The following KAZN variants were observed in gnomAD, a reference collection of about 807,000 sequenced individuals.
KAZN encodes kazrin.
KAZN carries 40 observed loss-of-function variants against 87.4 expected under a neutral mutation model. That is an observed-to-expected ratio of 0.46 (90% CI 0.36 to 0.60). The LOEUF (loss-of-function observed/expected upper bound fraction) is 0.60. Among genes scored for constraint, KAZN ranks in the 20% least tolerant of loss-of-function variants. The pLI is 0.00. For missense variants in KAZN, 898 were observed against 1,073.9 expected (o/e 0.84, Z 2.29); for synonymous variants, 466 against 458.3 (o/e 1.02, Z -0.22).
At chr1:14,979,453 T>C (rs2311972) in intron 2 of KAZN, among the ~76,000 whole-genome samples, 6,545 of 152,112 alleles carry the variant, frequency 0.043, 186 homozygotes, top group East Asian at 0.13. Flanking sequence ...GAGCCCAGCA[T>C]GCTGGGCCCT....
intron 1 of KAZN, among the ~76,000 whole-genome samples, chr1:14,781,126 TC>T (rs569433420): frequency 7.9e-5 from 12 of 152,110 alleles, no homozygotes; most frequent in Non-Finnish European, 1.3e-4. Context: ...ATCGAGACCA[TC>T]CTGGCTAACA....
At chr1:14,024,024 C>G (rs1640963238) in intron 1 of KAZN, among the ~76,000 whole-genome samples, 1 of 152,140 alleles carries the variant, frequency 6.6e-6, no homozygotes, top group Non-Finnish European at 1.5e-5. Context: ...ACCCAAAGAG[C>G]CAGAGCACCC....
intron 1 of KAZN, among the ~76,000 whole-genome samples, chr1:13,944,674 T>C (rs1435588229): frequency 6.6e-6 from 1 of 152,160 alleles, no homozygotes; most frequent in African/African-American, 2.4e-5. Context: ...TAGACTGTAA[T>C]AAGTCAAGGA....
intron 2 of KAZN, among the ~76,000 whole-genome samples, chr1:14,429,191 G>A (rs1665907390): frequency 6.6e-6 from 1 of 152,112 alleles, no homozygotes; most frequent in Admixed American, 6.5e-5. Flanking sequence ...TAGAGAGAAT[G>A]GTCATCTCCT....
Position 14,724,825 on chromosome 1 carries a change from A to G in KAZN, c.226+125602A>G, listed in dbSNP as rs562630451. Reference sequence around the variant, plus strand: ...CCATGGTCTGTCTGGTTTTTCAATTACTTCACAAACTCCCTTCTGCCCTTC... The same window carrying G: ...CCATGGTCTGTCTGGTTTTTCAATTGCTTCACAAACTCCCTTCTGCCCTTC... On this transcript the variant is annotated intron_variant, in intron 1 of 14. Coordinates refer to ENST00000376030, the MANE Select transcript of KAZN (RefSeq NM_201628.3). 2.0e-5 allele frequency among the ~76,000 whole-genome samples: 3 copies of G among 152,314 alleles called. No individual in the cohort carries two copies. In the East Asian group the frequency reaches 5.8e-4, roughly 29 times the overall value.
intron 1 of KAZN, among the ~76,000 whole-genome samples, chr1:14,755,012 C>T (rs1474688): frequency 0.53 from 78,816 of 149,628 alleles, 21,388 homozygotes; most frequent in Middle Eastern, 0.59. Context: ...GCGGCCAAGG[C>T]GGGAGGATCG....
At chr1:14,081,446 G>A (rs1341819257) in intron 1 of KAZN, among the ~76,000 whole-genome samples, 1 of 152,040 alleles carries the variant, frequency 6.6e-6, no homozygotes, top group Non-Finnish European at 1.5e-5. Flanking sequence ...TCACGAGTAT[G>A]GCCAATGGGT....
chr1:14,428,442 C>T (rs1167862988), intron 2 of KAZN, among the ~76,000 whole-genome samples: 1 of 152,134 alleles, frequency 6.6e-6, no homozygotes, highest in Non-Finnish European at 1.5e-5. Context: ...TAGATATATT[C>T]AATCAGATCA....
chr1:14,824,203 G>A (rs1350673149), intron 1 of KAZN, among the ~76,000 whole-genome samples: 2 of 152,048 alleles, frequency 1.3e-5, no homozygotes, highest in Non-Finnish European at 2.9e-5. Context: ...AGCGTGATGG[G>A]AGGCCTGGTT....
chr1:14,826,924 G>A (rs1194429241), intron 1 of KAZN, among the ~76,000 whole-genome samples: 2 of 152,168 alleles, frequency 1.3e-5, no homozygotes, highest in Admixed American at 6.5e-5. Context: ...ATCCTGGCTC[G>A]GCGGCTGTGT....
At chr1:15,036,210 C>T (rs1672247440) in intron 3 of KAZN, among the ~76,000 whole-genome samples, 1 of 149,610 alleles carries the variant, frequency 6.7e-6, no homozygotes. Flanking sequence ...GCTCCCCCTA[C>T]CCTGCCTACC....
intron 1 of KAZN, among the ~76,000 whole-genome samples, chr1:14,876,852 A>C (rs1198429466): frequency 6.6e-6 from 1 of 152,228 alleles, no homozygotes; most frequent in Non-Finnish European, 1.5e-5. Flanking sequence ...CTTACCACTT[A>C]GAATACTGCA....
At chr1:14,122,085 G>C (rs1367352388) in intron 1 of KAZN, among the ~76,000 whole-genome samples, 1 of 152,216 alleles carries the variant, frequency 6.6e-6, no homozygotes, top group Non-Finnish European at 1.5e-5. Context: ...CCGTGGCTGT[G>C]AAAGAGCCAG....
chr1:14,806,108 A>C (rs1017500631), intron 1 of KAZN, among the ~76,000 whole-genome samples: 11 of 152,140 alleles, frequency 7.2e-5, no homozygotes, highest in Non-Finnish European at 1.3e-4. Flanking sequence ...TGGCTTTTCC[A>C]CCAGGGCCCT....
At chr1:15,040,032 G>A (rs748288761) in intron 3 of KAZN, among the ~76,000 whole-genome samples, 13 of 152,162 alleles carry the variant, frequency 8.5e-5, no homozygotes, top group Non-Finnish European at 1.6e-4. Context: ...CCTGTAGATC[G>A]GTGGAATAGC....
chr1:14,933,393 A>G (rs970742004), intron 1 of KAZN, among the ~76,000 whole-genome samples: 1 of 152,088 alleles, frequency 6.6e-6, no homozygotes, highest in Non-Finnish European at 1.5e-5. Context: ...ATGCCCGGCC[A>G]GGTTCTGCAG....
intron 1 of KAZN, among the ~76,000 whole-genome samples, chr1:14,021,366 C>T (rs1640816129): frequency 1.3e-5 from 2 of 152,162 alleles, no homozygotes; most frequent in Non-Finnish European, 2.9e-5. Flanking sequence ...AATCTGAGAC[C>T]ATAAGCAGAC....
intron 1 of KAZN, among the ~76,000 whole-genome samples, chr1:14,058,197 A>C (rs1358897390): frequency 1.3e-5 from 2 of 152,032 alleles, no homozygotes; most frequent in African/African-American, 4.8e-5. Flanking sequence ...GAAGCAAGGG[A>C]CCAATTCCCA....
At chr1:14,352,149 A>C (rs753182235) in intron 2 of KAZN, among the ~76,000 whole-genome samples, 2 of 152,208 alleles carry the variant, frequency 1.3e-5, no homozygotes, top group Admixed American at 1.3e-4. Context: ...ACAAGTATAA[A>C]CATTGTTTTA....
Sources: allele counts gnomAD v4.1 joint callset (sites outside exome capture counted in the v4.1 genomes callset), GRCh38; gene constraint gnomAD v4.1.1; transcripts MANE v1.5; gene names NCBI Gene and HGNC (gene_info 2026-07-23, HGNC 2026-07-21).